PDGFRL: variants seen among roughly 807,000 people sequenced by gnomAD.
PDGFRL encodes the protein platelet-derived growth factor receptor-like protein.
PDGFRL carries 46 observed loss-of-function variants against 37.2 expected under a neutral mutation model. The observed-to-expected ratio is 1.24, with a 90% CI of 0.98 to 1.58. The LOEUF is 1.58. Among genes scored for constraint, PDGFRL ranks in the 40% most tolerant of loss-of-function variants. The pLI, the probability that PDGFRL is intolerant of heterozygous loss-of-function variation, is 0.00. For synonymous variants in PDGFRL, 251 were observed against 184.3 expected (o/e 1.36, Z -2.93); for missense variants, 692 against 467.6 (o/e 1.48, Z -4.43).
intron 2 of PDGFRL, among the ~76,000 whole-genome samples, chr8:17,596,046 C>T (rs1428369640): frequency 2.0e-5 from 3 of 152,318 alleles, no homozygotes; most frequent in African/African-American, 4.8e-5. Flanking sequence ...CCACAGACTC[C>T]GCCCTGTGGT....
chr8:17,629,420 C>G (rs1368502290), intron 4 of PDGFRL, among the ~76,000 whole-genome samples: 1 of 152,082 alleles, frequency 6.6e-6, no homozygotes, highest in Non-Finnish European at 1.5e-5. Flanking sequence ...GAGCATCCTC[C>G]CAGCCTCTTG....
rs1805027707 is a variant in PDGFRL at position 17,638,759 on chromosome 8, ATATATATATATATATAT to A, written c.940-3853_940-3837del. 3.2e-4 allele frequency among the ~76,000 whole-genome samples: 30 copies of A among 92,806 alleles called. 2 individuals carry two copies. The highest frequency in any genetic ancestry group is 2.6e-3 in the Admixed American group (26 of 10,114). The allele number at this position is 92,806 out of a possible 152,430, so 60.9% of individuals were successfully genotyped here. On this transcript the variant is annotated intron_variant, in intron 5 of 5. Transcript: ENST00000251630. ...GGTGCATATATATATATATATATAT[ATATATATATATATATAT>A]ATATATATATAATTGTGATATTTTC...
intron 4 of PDGFRL, among the ~76,000 whole-genome samples, chr8:17,631,033 C>G (rs1396793387): frequency 6.6e-6 from 1 of 152,070 alleles, no homozygotes; most frequent in African/African-American, 2.4e-5. Flanking sequence ...AGTCTGGGCC[C>G]TCTTTACTTC....
chr8:17,599,174 A>G (rs1485015557), intron 2 of PDGFRL, among the ~76,000 whole-genome samples: 1 of 152,180 alleles, frequency 6.6e-6, no homozygotes, highest in Non-Finnish European at 1.5e-5. Flanking sequence ...ATTGAGGTAC[A>G]GGTGGCATTT....
chr8:17,625,759 C>T (rs1804721642), intron 3 of PDGFRL, among the ~76,000 whole-genome samples: 1 of 152,262 alleles, frequency 6.6e-6, no homozygotes, highest in Non-Finnish European at 1.5e-5. Context: ...GAGGCCAAGG[C>T]AGGAGGACTG....
chr8:17,579,608 C>G (rs1373149748), intron 1 of PDGFRL, among the ~76,000 whole-genome samples: 1 of 150,072 alleles, frequency 6.7e-6, no homozygotes, highest in Non-Finnish European at 1.5e-5. Context: ...TGCTATGTCA[C>G]CCAGGTGGAG....
In PDGFRL at chr8:17,596,330, G is replaced by A. The variant is rs528672435; in HGVS notation, c.353+6565G>A. 3.6e-5 allele frequency: 44 copies of A among 1,236,078 alleles called. No individual in the cohort carries two copies. The South Asian group carries it at 3.9e-4, about 11-fold the overall frequency. The allele number at this position is 1,236,078 out of a possible 1,614,324, so 76.6% of individuals were successfully genotyped here. A position where few individuals can be genotyped will look rare whatever the true frequency, so the allele number is the denominator to read the frequency against. ...CTGCTCACAGGCACATGGGCTGCAC[G>A]TAACTCCGTGGGAAGAAGCCAACGC... On this transcript the variant is annotated intron_variant, in intron 2 of 5. Coordinates refer to ENST00000251630, the MANE Select transcript of PDGFRL (RefSeq NM_001372073.1).
At chr8:17,590,655 T>C (rs1803917062) in intron 2 of PDGFRL, among the ~76,000 whole-genome samples, 1 of 151,668 alleles carries the variant, frequency 6.6e-6, no homozygotes, top group Non-Finnish European at 1.5e-5. Context: ...GAGGTTACAG[T>C]GAGCCGAGTT....
intron 2 of PDGFRL, among the ~76,000 whole-genome samples, chr8:17,600,206 C>A (rs926853428): frequency 6.6e-6 from 1 of 152,158 alleles, no homozygotes. Context: ...AACAAGGGCA[C>A]TAAATCCAGA....
chr8:17,630,509 A>G (rs963766229), intron 4 of PDGFRL, among the ~76,000 whole-genome samples: 2 of 151,988 alleles, frequency 1.3e-5, no homozygotes, highest in Non-Finnish European at 2.9e-5. Flanking sequence ...GGTTTCTAAG[A>G]CTGTTTGTTT....
chr8:17,634,150 C>T lies in PDGFRL; in HGVS notation c.876C>T (p.Leu292=). 6.2e-7 allele frequency: 1 copy of T among 1,612,882 alleles called. No individual in the cohort carries two copies. ...AAAGTGGGGACGACATCAGTGTGCTCTGCACTGTCCTGGGGGAGCCCGATG... is the reference window on the plus strand; with the variant it reads ...AAAGTGGGGACGACATCAGTGTGCTTTGCACTGTCCTGGGGGAGCCCGATG... ...KVKSGDDISV[L]CTVLGEPDVE... The change falls in exon 5 of 6, where the codon CTC becomes CTT. Residue 292 remains leucine (L), a synonymous_variant. Coordinates refer to ENST00000251630, the MANE Select transcript of PDGFRL (RefSeq NM_001372073.1).
At chr8:17,625,327 T>C (rs1017681119) in intron 3 of PDGFRL, among the ~76,000 whole-genome samples, 4 of 152,184 alleles carry the variant, frequency 2.6e-5, no homozygotes, top group African/African-American at 9.7e-5. Flanking sequence ...AATCTTTGTA[T>C]TTTTAGCAGA....
At chr8:17,635,339 C>G in intron 5 of PDGFRL, among the ~76,000 whole-genome samples, 1 of 150,522 alleles carries the variant, frequency 6.6e-6, no homozygotes, top group Admixed American at 6.7e-5. Context: ...ATTCTTATGT[C>G]TGCATCCTCA....
At chr8:17,588,077 T>C (rs955150472) in intron 1 of PDGFRL, among the ~76,000 whole-genome samples, 4 of 152,138 alleles carry the variant, frequency 2.6e-5, no homozygotes, top group African/African-American at 4.8e-5. Context: ...GCCTTACTTA[T>C]AGAGAAGGCA....
At chr8:17,634,254 T>C (rs768429458) in intron 5 of PDGFRL, 41 bp downstream of exon 5, 2 of 1,526,106 alleles carry the variant, frequency 1.3e-6, no homozygotes, top group Non-Finnish European at 1.8e-6. Flanking sequence ...CGTCTCAGCC[T>C]CTGCATCTCA....
intron 2 of PDGFRL, among the ~76,000 whole-genome samples, chr8:17,596,888 G>A (rs1221940610): frequency 1.3e-5 from 2 of 152,192 alleles, no homozygotes; most frequent in Non-Finnish European, 2.9e-5. Flanking sequence ...CCCAGAACGT[G>A]GTGCCTTTGG....
At chr8:17,600,607 C>G (rs1804146140) in intron 2 of PDGFRL, among the ~76,000 whole-genome samples, 2 of 150,946 alleles carry the variant, frequency 1.3e-5, no homozygotes, top group African/African-American at 4.9e-5. Context: ...TGAGACCAGC[C>G]TGAGCAACAC....
chr8:17,581,021 G>C (rs752461998), intron 1 of PDGFRL, among the ~76,000 whole-genome samples: 1 of 151,976 alleles, frequency 6.6e-6, no homozygotes, highest in Non-Finnish European at 1.5e-5. Context: ...CTACCCTAAT[G>C]ACCTCATGCT....
Position 17,607,162 on chromosome 8 carries a change from G to A in PDGFRL, c.354-13889G>A, listed in dbSNP as rs563907332. On this transcript the variant is annotated intron_variant, in intron 2 of 5. Transcript: ENST00000251630. Reference sequence around the variant, plus strand: ...CCACCTGCCTTGGCCTGCGAGTTTCGTTTTAAGAAACGTTTTAGACGTGTG... The same window carrying A: ...CCACCTGCCTTGGCCTGCGAGTTTCATTTTAAGAAACGTTTTAGACGTGTG... Among the ~76,000 whole-genome samples the A allele has an allele frequency of 5.3e-5, 8 of 152,072 alleles. No individual in the cohort carries two copies. In the South Asian group the frequency reaches 1.0e-3, roughly 20 times the overall value.
Sources: allele counts gnomAD v4.1 joint callset (sites outside exome capture counted in the v4.1 genomes callset), GRCh38; gene constraint gnomAD v4.1.1; transcripts MANE v1.5; gene names NCBI Gene and HGNC (gene_info 2026-07-23, HGNC 2026-07-21).